UBE2R2: variants seen among roughly 807,000 people sequenced by gnomAD.
UBE2R2 encodes the protein ubiquitin conjugating enzyme E2 R2, also known as ubiquitin-conjugating enzyme E2 R2.
Under a neutral mutation model 27.8 loss-of-function variants are expected in UBE2R2, and 1 was observed. The observed-to-expected ratio is 0.04, with a 90% confidence interval of 0.01 to 0.17. The LOEUF is 0.17. Among genes scored for constraint, UBE2R2 ranks in the 10% least tolerant of loss-of-function variants. The probability of loss-of-function intolerance (pLI) is 1.00; values close to 1 mark genes in which losing one functional copy is unlikely to be tolerated. For missense variants in UBE2R2, 100 were observed against 291.0 expected (o/e 0.34, Z 4.78); for synonymous variants, 106 against 113.3 (o/e 0.94, Z 0.41).
At chr9:33,874,388 A>G (rs1209805663) in intron 1 of UBE2R2, among the ~76,000 whole-genome samples, 1 of 152,186 alleles carries the variant, frequency 6.6e-6, no homozygotes, top group Non-Finnish European at 1.5e-5. Context: ...AAATAATAAC[A>G]TGTTTATTAT....
chr9:33,872,344 G>A (rs1821504245), intron 1 of UBE2R2, among the ~76,000 whole-genome samples: 1 of 152,062 alleles, frequency 6.6e-6, no homozygotes, highest in African/African-American at 2.4e-5. Context: ...AGTGAGCTGT[G>A]ATCATGCCAT....
chr9:33,892,354 A>G lies in UBE2R2; in HGVS notation c.264+5387A>G, dbSNP rs533137622. Among the ~76,000 whole-genome samples, 8 of 152,356 alleles carry G rather than the reference A, an allele frequency of 5.3e-5. No homozygotes were observed. In the South Asian group the frequency reaches 1.7e-3, roughly 32 times the overall value. On this transcript the variant is annotated intron_variant, in intron 2 of 4. Coordinates refer to ENST00000263228, the MANE Select transcript of UBE2R2 (RefSeq NM_017811.4). ...ACAGACTTCACAGATAAGGCAACACATAGAATTTCACTGTTCATTAGTACC... is the reference window on the plus strand; with the variant it reads ...ACAGACTTCACAGATAAGGCAACACGTAGAATTTCACTGTTCATTAGTACC...
At chr9:33,856,610 T>C (rs1254783182) in intron 1 of UBE2R2, among the ~76,000 whole-genome samples, 1 of 149,650 alleles carries the variant, frequency 6.7e-6, no homozygotes, top group African/African-American at 2.6e-5. Flanking sequence ...CAAGTGTTTA[T>C]GTTATTTTAA....
Position 33,917,526 on chromosome 9 carries a change from C to T in UBE2R2, c.*289C>T, listed in dbSNP as rs989174576. ...ATGAACCCAAACTCCCGCCTCACTT[C>T]GTCTCTACAGAATGTTCACAGCAAA... On this transcript the variant is annotated 3_prime_UTR_variant, in exon 5 of 5. Coordinates refer to ENST00000263228, the MANE Select transcript of UBE2R2 (RefSeq NM_017811.4). The T allele has an allele frequency of 9.1e-6, 5 of 547,504 alleles. No individual in the cohort carries two copies. The highest frequency in any genetic ancestry group is 1.9e-5 in the African/African-American group (1 of 52,614). 33.9% of individuals were successfully genotyped at this position (547,504 alleles called of 1,614,324 possible). A position where few individuals can be genotyped will look rare whatever the true frequency, so the allele number is the denominator to read the frequency against.
At chr9:33,825,061 G>C (rs957968976) in intron 1 of UBE2R2, among the ~76,000 whole-genome samples, 1 of 151,848 alleles carries the variant, frequency 6.6e-6, no homozygotes, top group Non-Finnish European at 1.5e-5. Context: ...TTTTTATTGA[G>C]GACTCATTAA....
chr9:33,899,607 T>G (rs1355228486), intron 2 of UBE2R2, among the ~76,000 whole-genome samples: 1 of 152,144 alleles, frequency 6.6e-6, no homozygotes, highest in African/African-American at 2.4e-5. Context: ...ACTCCTGACC[T>G]TGTGATCTGC....
intron 1 of UBE2R2, among the ~76,000 whole-genome samples, chr9:33,858,713 A>G (rs1242710198): frequency 6.6e-6 from 1 of 151,996 alleles, no homozygotes; most frequent in Non-Finnish European, 1.5e-5. Context: ...GGCCAATATT[A>G]AATATTTTAA....
At chr9:33,840,756 A>G (rs1820716426) in intron 1 of UBE2R2, among the ~76,000 whole-genome samples, 1 of 151,982 alleles carries the variant, frequency 6.6e-6, no homozygotes, top group South Asian at 2.1e-4. Context: ...TTGTTGGAAT[A>G]CTTTTATTAA....
chr9:33,873,669 C>A (rs756204502), intron 1 of UBE2R2, among the ~76,000 whole-genome samples: 22 of 152,124 alleles, frequency 1.4e-4, no homozygotes, highest in Admixed American at 7.2e-4. Context: ...GGGGCCAGGT[C>A]TCGCTCTGTC....
rs764653427 is a variant in UBE2R2 at position 33,827,059 on chromosome 9, GC to G, written c.177+9127del. ...GGAGGCTGCAGTGAGCCGAGATCGC[GC>G]CACTGCGCTCCAGCCTGGGCGACAG... is the stretch of plus-strand genomic sequence containing the variant. On this transcript the variant is annotated intron_variant, in intron 1 of 4. Coordinates refer to ENST00000263228, the MANE Select transcript of UBE2R2 (RefSeq NM_017811.4). 4.6e-5 allele frequency among the ~76,000 whole-genome samples: 7 copies of G among 152,198 alleles called. No homozygotes were observed. The South Asian group carries it at 1.0e-3, about 22-fold the overall frequency.
chr9:33,874,233 C>CCA (rs1195394962), intron 1 of UBE2R2, among the ~76,000 whole-genome samples: 1 of 152,134 alleles, frequency 6.6e-6, no homozygotes, highest in Non-Finnish European at 1.5e-5. Context: ...CAGGCATGAA[C>CCA]CACCGTGCCC....
At position 33,877,165 on chromosome 9, in the gene UBE2R2, A is replaced by C. The variant is rs373944148; in HGVS notation, c.178-9716A>C. On this transcript the variant is annotated intron_variant, in intron 1 of 4. Transcript: ENST00000263228. ...ATAAAGTCAAAAGGGTCACATTAAA[A>C]CTACTTATGATTGAATTTTTTTTTT... Among the ~76,000 whole-genome samples, 4 of 146,346 alleles carry C rather than the reference A, an allele frequency of 2.7e-5. No homozygotes were observed. The East Asian group carries it at 6.2e-4, about 23-fold the overall frequency.
chr9:33,825,745 C>G (rs1036498233), intron 1 of UBE2R2, among the ~76,000 whole-genome samples: 2 of 152,268 alleles, frequency 1.3e-5, no homozygotes, highest in East Asian at 3.9e-4. Flanking sequence ...TTTAGGACTA[C>G]AGATTTCCAT....
chr9:33,879,170 C>T (rs1283281370), intron 1 of UBE2R2, among the ~76,000 whole-genome samples: 1 of 152,104 alleles, frequency 6.6e-6, no homozygotes, highest in East Asian at 1.9e-4. Context: ...GAGGTCAAGG[C>T]TGGCAGTGAT....
intron 1 of UBE2R2, among the ~76,000 whole-genome samples, chr9:33,866,988 T>C (rs1821378453): frequency 6.6e-6 from 1 of 152,212 alleles, no homozygotes; most frequent in Non-Finnish European, 1.5e-5. Flanking sequence ...ATCAATGTTT[T>C]CTTTTATGGA....
intron 1 of UBE2R2, among the ~76,000 whole-genome samples, chr9:33,835,145 G>GTTTTTT (rs3060448): frequency 3.6e-5 from 4 of 112,122 alleles, no homozygotes; most frequent in South Asian, 3.0e-4. Context: ...CTAAGTGTAG[G>GTTTTTT]TTTTTTTTTT....
intron 1 of UBE2R2, among the ~76,000 whole-genome samples, chr9:33,823,633 C>A (rs568444745): frequency 6.6e-6 from 1 of 152,208 alleles, no homozygotes; most frequent in Non-Finnish European, 1.5e-5. Flanking sequence ...GCCTTGGCCT[C>A]CCAAAGTGCT....
At chr9:33,863,164 C>T (rs1482891363) in intron 1 of UBE2R2, among the ~76,000 whole-genome samples, 14 of 138,100 alleles carry the variant, frequency 1.0e-4, no homozygotes, top group Non-Finnish European at 1.8e-4. Flanking sequence ...CTCCTGCAGC[C>T]TGTGCAACAG....
chr9:33,841,802 T>C (rs549876668), intron 1 of UBE2R2, among the ~76,000 whole-genome samples: 1 of 152,190 alleles, frequency 6.6e-6, no homozygotes, highest in Non-Finnish European at 1.5e-5. Flanking sequence ...AATTACTCGC[T>C]TGTTTTCTCG....
Sources: gnomAD v4.1 joint callset for allele counts (sites outside exome capture counted in the v4.1 genomes callset) on GRCh38, gnomAD v4.1.1 for gene constraint, MANE v1.5 for transcripts, NCBI Gene and HGNC (gene_info 2026-07-23, HGNC 2026-07-21) for gene names.